BACE1-AS: variants seen among roughly 807,000 people sequenced by gnomAD.
BACE1-AS encodes the protein BACE1 antisense RNA (non-protein coding).
At chr11:117,291,817 A>G in intron 2 of BACE1-AS, 3 of 1,598,828 alleles carry the variant, frequency 1.9e-6, no homozygotes, top group Middle Eastern at 1.7e-4. Flanking sequence ...AGTTGTACTA[A>G]GAGGGAAAAG....
chr11:117,292,049 A>G, intron 2 of BACE1-AS: 1 of 305,994 alleles, frequency 3.3e-6, no homozygotes, highest in East Asian at 5.7e-5. Flanking sequence ...TCAGCAATGT[A>G]AAGCACTTAG....
At chr11:117,291,992 A>T (rs2034453327) in intron 2 of BACE1-AS, 4 of 472,722 alleles carry the variant, frequency 8.5e-6, no homozygotes, top group Non-Finnish European at 1.6e-5. Flanking sequence ...TAAAGTGAGG[A>T]TAAAAATAGC....
chr11:117,291,832 A>G, intron 2 of BACE1-AS: 1 of 1,577,682 alleles, frequency 6.3e-7, no homozygotes, highest in Non-Finnish European at 8.7e-7. Context: ...GAAAAGAGAG[A>G]GTTAAAAGAG....
At chr11:117,291,675 G>A in intron 1 of BACE1-AS, 2 of 1,459,006 alleles carry the variant, frequency 1.4e-6, no homozygotes, top group South Asian at 1.1e-5. Context: ...CTCTGACACT[G>A]TACCATCTCT....
intron 2 of BACE1-AS, chr11:117,291,849 G>A (rs773929696): frequency 1.6e-5 from 25 of 1,522,554 alleles, no homozygotes; most frequent in South Asian, 2.2e-5. Context: ...AGAGTCAAAA[G>A]GTTTTTGATG....
At chr11:117,291,916 G>T in intron 2 of BACE1-AS, 1 of 715,926 alleles carries the variant, frequency 1.4e-6, no homozygotes, top group Non-Finnish European at 2.5e-6. Flanking sequence ...TGGCATCTTG[G>T]CTTTGGCACC....
At chr11:117,291,678 C>T in intron 1 of BACE1-AS, 1 of 1,473,778 alleles carries the variant, frequency 6.8e-7, no homozygotes, top group Non-Finnish European at 9.5e-7. Context: ...TGACACTGTA[C>T]CATCTCTTTT....
intron 2 of BACE1-AS, chr11:117,291,787 G>A (rs1441538806): frequency 1.2e-6 from 2 of 1,612,840 alleles, no homozygotes; most frequent in African/African-American, 2.7e-5. Context: ...TGGTGCCACT[G>A]TCCACAATGC....
intron 1 of BACE1-AS, chr11:117,291,627 C>T (rs1697678817): frequency 7.0e-6 from 7 of 1,002,088 alleles, no homozygotes; most frequent in Non-Finnish European, 7.8e-6. Context: ...GTGCAGACAT[C>T]TTGGCTGTTG....
At chr11:117,291,736 G>C (rs759223338) in exon 2 of BACE1-AS, 22 of 1,613,146 alleles carry the variant, frequency 1.4e-5, no homozygotes, top group Non-Finnish European at 1.9e-5. Context: ...TGATGGATTT[G>C]ACTGCAGCTT....
chr11:117,291,752 ACTTT>A, exon 2 of BACE1-AS: 1 of 1,613,710 alleles, frequency 6.2e-7, no homozygotes, highest in Non-Finnish European at 8.5e-7. Flanking sequence ...AGCTTCAAAC[ACTTT>A]CTTGGGCAAA....
intron 1 of BACE1-AS, chr11:117,291,664 C>T (rs764521142): frequency 7.3e-7 from 1 of 1,367,018 alleles, no homozygotes; most frequent in East Asian, 2.3e-5. Flanking sequence ...TCACCGCCTC[C>T]CTCTGACACT....
intron 2 of BACE1-AS, chr11:117,291,790 C>G (rs1331703348): frequency 6.2e-7 from 1 of 1,612,772 alleles, no homozygotes; most frequent in Admixed American, 1.7e-5. Context: ...TGCCACTGTC[C>G]ACAATGCTCT....
chr11:117,291,645 A>T, intron 1 of BACE1-AS: 1 of 1,167,532 alleles, frequency 8.6e-7, no homozygotes, highest in Non-Finnish European at 1.3e-6. Flanking sequence ...TTGCTGAAGA[A>T]TGTGACTCTC....
intron 2 of BACE1-AS, chr11:117,291,870 G>T: frequency 3.0e-6 from 4 of 1,341,718 alleles, no homozygotes; most frequent in South Asian, 1.2e-5. Context: ...CTGGGCTCTG[G>T]GCAGTAGGGG....
At chr11:117,291,648 TG>T in intron 1 of BACE1-AS, 3 of 1,206,718 alleles carry the variant, frequency 2.5e-6, no homozygotes, top group Non-Finnish European at 1.2e-6. Context: ...CTGAAGAATG[TG>T]ACTCTCACCG....
At chr11:117,291,371 G>C (rs1416914369) in intron 1 of BACE1-AS, among the ~76,000 whole-genome samples, 2 of 151,792 alleles carry the variant, frequency 1.3e-5, no homozygotes, top group Non-Finnish European at 2.9e-5. Flanking sequence ...CCACCGTCCT[G>C]AGTTAAAGTG....
chr11:117,292,101 T>G (rs1445998619), intron 2 of BACE1-AS: 1 of 192,590 alleles, frequency 5.2e-6, no homozygotes, highest in Non-Finnish European at 1.1e-5. Flanking sequence ...AAATGTTTAT[T>G]CTTGTTAATC....
intron 2 of BACE1-AS, chr11:117,291,832 A>T: frequency 6.3e-7 from 1 of 1,577,682 alleles, no homozygotes; most frequent in Middle Eastern, 1.7e-4. Flanking sequence ...GAAAAGAGAG[A>T]GTTAAAAGAG....
Sources: allele counts gnomAD v4.1 joint callset (sites outside exome capture counted in the v4.1 genomes callset), GRCh38; gene constraint gnomAD v4.1.1; transcripts MANE v1.5; gene names NCBI Gene and HGNC (gene_info 2026-07-23, HGNC 2026-07-21).